The following ZNF454 variants were observed in gnomAD, a reference collection of about 807,000 sequenced individuals.
The protein encoded by ZNF454 is zinc finger protein 454.
A neutral mutation model predicts 48.2 loss-of-function variants in ZNF454; 30 were observed. That is an observed-to-expected ratio of 0.62 (90% CI 0.47 to 0.84). ZNF454 has a LOEUF of 0.84. Among genes scored for constraint, ZNF454 ranks in the 40% least tolerant of loss-of-function variants. The pLI is 0.00. For synonymous variants in ZNF454, 204 were observed against 211.4 expected, an observed-to-expected ratio of 0.97 and a Z score of 0.30; for missense variants, 510 against 623.1, an observed-to-expected ratio of 0.82 and a Z score of 1.93.
chr5:178,969,191 T>C (rs935608251), downstream of ZNF454, among the ~76,000 whole-genome samples: 2 of 152,198 alleles, frequency 1.3e-5, no homozygotes, highest in African/African-American at 4.8e-5. Context: ...GGACACTGCC[T>C]GAGTCCCAGG....
chr5:178,989,186 C>A, the ZNF454 span: 2 of 1,584,422 alleles, frequency 1.3e-6, no homozygotes, highest in East Asian at 2.3e-5. Flanking sequence ...TGCACCGAAC[C>A]CGGCCTCCCG....
At chr5:178,955,086 G>A (rs539097096) in intron 4 of ZNF454, among the ~76,000 whole-genome samples, 73 of 152,334 alleles carry the variant, frequency 4.8e-4, no homozygotes, top group African/African-American at 1.6e-3. Context: ...CCTAGGAGTA[G>A]GATTGCTGGT....
the ZNF454 span, chr5:178,986,590 C>T: frequency 6.2e-7 from 1 of 1,605,706 alleles, no homozygotes; most frequent in Non-Finnish European, 8.5e-7. Flanking sequence ...ACAGGCCTCG[C>T]ATGTGAACTC....
At chr5:178,974,674 GT>G in the ZNF454 span, among the ~76,000 whole-genome samples, 1 of 152,088 alleles carries the variant, frequency 6.6e-6, no homozygotes, top group African/African-American at 2.4e-5. Context: ...TTGAGCACTC[GT>G]TATGAGCCAG....
rs539609994 is a variant in ZNF454 at position 178,946,269 on chromosome 5, G to A, written c.34-90G>A. The A allele has an allele frequency of 1.9e-5, 30 of 1,554,668 alleles. 1 individual carries two copies. In the South Asian group the frequency reaches 3.2e-4, roughly 16 times the overall value. On this transcript the variant is annotated intron_variant, in intron 2 of 4. Transcript: ENST00000519564. This position sits in a 1 kb window ranked among gnomAD's most constrained non-coding sequence, Gnocchi z 4.5. The stretch of plus-strand genomic sequence containing the variant: ...TGTGTGCCAGCAGTCCTGTAAATGC[G>A]CACAAGCTCCTAGGGGCTGCCAGTC...
the ZNF454 span, chr5:178,981,363 C>T: frequency 1.0e-5 from 4 of 393,884 alleles, no homozygotes; most frequent in Admixed American, 3.9e-5. The surrounding 1 kb of genome is among the most constrained non-coding windows in gnomAD (Gnocchi z 5.1). Flanking sequence ...CTTTGGACTT[C>T]GGATGAGAGA....
chr5:178,967,887 C>T (rs1760189329), downstream of ZNF454, among the ~76,000 whole-genome samples: 1 of 151,672 alleles, frequency 6.6e-6, no homozygotes, highest in African/African-American at 2.4e-5. Context: ...CTACAGGCAC[C>T]CACTACCATG....
At chr5:178,986,197 A>G in the ZNF454 span, 1 of 1,614,100 alleles carries the variant, frequency 6.2e-7, no homozygotes, top group Non-Finnish European at 8.5e-7. Context: ...AGGGGGTGTG[A>G]CCGAGCGCTT....
Position 178,946,585 on chromosome 5 carries a change from C to T in ZNF454, c.160+100C>T, listed in dbSNP as rs769014321. 3.8e-5 allele frequency: 55 copies of T among 1,461,168 alleles called. No homozygotes were observed. Among genetic ancestry groups the T allele is most frequent in the South Asian group, 8.5e-5 (6 of 70,196 alleles). 90.5% of individuals were successfully genotyped at this position (1,461,168 alleles called of 1,614,324 possible). ...AAGAGTCGGTTGGACCAACTGAGGA[C>T]GCTGTCTTCAAGGGTGCCATTAATT... On this transcript the variant is annotated intron_variant, in intron 3 of 4. Transcript: ENST00000519564. The surrounding 1 kb of genome is among the most constrained non-coding windows in gnomAD (Gnocchi z 4.5).
the ZNF454 span, chr5:178,981,543 G>C: frequency 0.044 from 35,236 of 809,564 alleles, 1,261 homozygotes; most frequent in East Asian, 0.16. The surrounding 1 kb of genome is among the most constrained non-coding windows in gnomAD (Gnocchi z 5.1). Context: ...GCATGGTCTT[G>C]GCAAACTCCC....
downstream of ZNF454, among the ~76,000 whole-genome samples, chr5:178,968,132 C>T (rs1760193762): frequency 6.7e-6 from 1 of 150,090 alleles, no homozygotes; most frequent in South Asian, 2.2e-4. Context: ...CACACACACA[C>T]ACACACACAG....
At chr5:178,956,601 G>C (rs1354437065) in intron 4 of ZNF454, among the ~76,000 whole-genome samples, 2 of 150,472 alleles carry the variant, frequency 1.3e-5, no homozygotes, top group Admixed American at 1.3e-4. Context: ...GTTGGGAAAA[G>C]GATGGGAAGA....
chr5:178,949,259 C>T (rs556680209), intron 4 of ZNF454, among the ~76,000 whole-genome samples: 2 of 151,868 alleles, frequency 1.3e-5, no homozygotes, highest in East Asian at 1.9e-4. Flanking sequence ...GTCATGTTGG[C>T]CAGGCTGTTC....
chr5:178,958,456 G>A (rs1264915087), intron 4 of ZNF454, among the ~76,000 whole-genome samples: 3 of 152,158 alleles, frequency 2.0e-5, no homozygotes, highest in Non-Finnish European at 4.4e-5. Context: ...ATAATGTTTC[G>A]CCATATAAAC....
the ZNF454 span, among the ~76,000 whole-genome samples, chr5:178,982,537 A>C: frequency 5.6e-5 from 7 of 124,316 alleles, no homozygotes; most frequent in African/African-American, 2.1e-4. Flanking sequence ...AGATCACGCC[A>C]CTGCACTCCA....
At chr5:178,985,462 G>T in the ZNF454 span, among the ~76,000 whole-genome samples, 2 of 151,660 alleles carry the variant, frequency 1.3e-5, no homozygotes, top group African/African-American at 2.4e-5. Flanking sequence ...CCAGCACTTT[G>T]GGAGGCCGAG....
the ZNF454 span, chr5:178,985,700 C>CT: frequency 2.8e-5 from 7 of 248,058 alleles, no homozygotes; most frequent in Non-Finnish European, 5.6e-5. Context: ...GAGACTCTGT[C>CT]TAAAAAAAAA....
the ZNF454 span, among the ~76,000 whole-genome samples, chr5:178,973,508 T>C: frequency 2.0e-5 from 3 of 152,128 alleles, no homozygotes; most frequent in Non-Finnish European, 4.4e-5. Context: ...TGGCAAATCT[T>C]TTATCCTCCA....
Position 178,960,562 on chromosome 5 carries a change from C to G in ZNF454, c.251-4093C>G, listed in dbSNP as rs554228514. On this transcript the variant is annotated intron_variant, in intron 4 of 4. Coordinates refer to ENST00000519564, the MANE Select transcript of ZNF454 (RefSeq NM_001178089.3). ...AGCCACCACACCTGGCCAGCCCATT[C>G]CTTTTCTTAATGGTTTGATTTCTGA... Among the ~76,000 whole-genome samples, 4 of 151,770 alleles carry G rather than the reference C, an allele frequency of 2.6e-5. No homozygotes were observed. In the South Asian group the frequency reaches 8.3e-4, roughly 32 times the overall value.
Sources: gnomAD v4.1 joint callset for allele counts (sites outside exome capture counted in the v4.1 genomes callset) on GRCh38, gnomAD v4.1.1 for gene constraint, Gnocchi (gnomAD v3.1) non-coding constraint, MANE v1.5 for transcripts, NCBI Gene and HGNC (gene_info 2026-07-23, HGNC 2026-07-21) for gene names.